Variants in MFSD11 observed in about 807,000 individuals in gnomAD.
The protein encoded by MFSD11 is UNC93-like protein MFSD11.
In MFSD11, 36 loss-of-function variants were observed where a neutral mutation model predicts 53.5. That is an observed-to-expected ratio of 0.67 (90% CI 0.52 to 0.89). The LOEUF (loss-of-function observed/expected upper bound fraction) is 0.89, where lower values mean the gene tolerates loss of function less well. Ranked by LOEUF, MFSD11 falls within the 40% of genes least tolerant of loss-of-function variation. The probability of loss-of-function intolerance (pLI) is 0.00; values close to 1 mark genes in which losing one functional copy is unlikely to be tolerated. For missense variants in MFSD11, 530 were observed against 543.9 expected, an observed-to-expected ratio of 0.97 and a Z score of 0.25; for synonymous variants, 186 against 184.9, an observed-to-expected ratio of 1.01 and a Z score of -0.05.
the MFSD11 span, among the ~76,000 whole-genome samples, chr17:76,792,598 C>T: frequency 3.3e-5 from 5 of 151,262 alleles, no homozygotes; most frequent in Non-Finnish European, 7.4e-5. Flanking sequence ...AGATAAGGAC[C>T]CGCCTAAATT....
In MFSD11 at chr17:76,776,597, G is replaced by A; in HGVS notation, c.1185+56G>A. On this transcript the variant is annotated intron_variant, in intron 12 of 12. Coordinates refer to ENST00000685175, the MANE Select transcript of MFSD11 (RefSeq NM_001242532.5). This position sits in a 1 kb window ranked among gnomAD's most constrained non-coding sequence, Gnocchi z 4.2. ...CATAGGGCTCTTCCCTTTGTGTATT[G>A]CCTTGTTTTCCTTGGTTACTTGTAT... The A allele has an allele frequency of 6.7e-7, 1 of 1,503,150 alleles. No individual in the cohort carries two copies. The highest frequency in any genetic ancestry group is 1.3e-5 in the South Asian group (1 of 76,042). The allele number at this position is 1,503,150 out of a possible 1,614,324, so 93.1% of individuals were successfully genotyped here. A position where few individuals can be genotyped will look rare whatever the true frequency, so the allele number is the denominator to read the frequency against.
chr17:76,745,540 C>G (rs1223588348), intron 7 of MFSD11: 1 of 152,210 alleles, frequency 6.6e-6, no homozygotes, highest in Non-Finnish European at 1.5e-5. Context: ...ACATTTCATT[C>G]TTATGACATC....
In MFSD11 at chr17:76,757,763, T is replaced by C. The variant is rs542884793; in HGVS notation, c.682+3676T>C. On this transcript the variant is annotated intron_variant, in intron 8 of 12. Transcript: ENST00000685175. ...CGGTGGCTCATGCCTGTAATCCCAG[T>C]ACTTTGGGAGGTCAAGGCAGGTGGA... Among the ~76,000 whole-genome samples, 127 of 152,196 alleles carry C rather than the reference T, an allele frequency of 8.3e-4. No homozygotes were observed. In the South Asian group the frequency reaches 0.013, roughly 16 times the overall value.
chr17:76,774,921 T>C, intron 10 of MFSD11, 76 bp from the exon 11 acceptor site: 1 of 1,441,002 alleles, frequency 6.9e-7, no homozygotes. Context: ...ATTCCTTGGC[T>C]CCTTGGTGGT....
chr17:76,797,266 A>G, the MFSD11 span, among the ~76,000 whole-genome samples: 1 of 152,176 alleles, frequency 6.6e-6, no homozygotes, highest in Non-Finnish European at 1.5e-5. Flanking sequence ...GGTTTATTTT[A>G]AGGTTGTTTT....
chr17:76,742,405 T>C, intron 5 of MFSD11, 132 bp downstream of exon 5: 1 of 721,110 alleles, frequency 1.4e-6, no homozygotes, highest in Non-Finnish European at 2.3e-6. Flanking sequence ...TGTGACGTGA[T>C]TCCAATTTTA....
At chr17:76,744,238 C>A in intron 6 of MFSD11, 84 bp from the exon 7 acceptor site, 1 of 1,307,840 alleles carries the variant, frequency 7.6e-7, no homozygotes, top group Non-Finnish European at 1.0e-6. Flanking sequence ...AGTGTGTTGA[C>A]AGTTGTAAGC....
chr17:76,751,166 G>A (rs532963529), intron 7 of MFSD11, among the ~76,000 whole-genome samples: 38 of 151,642 alleles, frequency 2.5e-4, no homozygotes, highest in Admixed American at 1.2e-3. Flanking sequence ...CGAGGCGGGC[G>A]GGTCACGAGG....
intron 8 of MFSD11, among the ~76,000 whole-genome samples, chr17:76,757,787 G>A (rs996921979): frequency 5.3e-5 from 8 of 152,224 alleles, no homozygotes; most frequent in African/African-American, 1.9e-4. Flanking sequence ...AAGGCAGGTG[G>A]ATCACGAGGT....
chr17:76,803,555 G>A, the MFSD11 span, among the ~76,000 whole-genome samples: 2 of 142,372 alleles, frequency 1.4e-5, no homozygotes, highest in African/African-American at 2.5e-5. Flanking sequence ...CCCTGCACTC[G>A]ATGGATCATC....
intron 7 of MFSD11, among the ~76,000 whole-genome samples, chr17:76,745,669 G>A (rs2078470722): frequency 6.6e-6 from 1 of 152,142 alleles, no homozygotes; most frequent in Non-Finnish European, 1.5e-5. Flanking sequence ...TGTTCTGACT[G>A]TTCCACTGCA....
intron 7 of MFSD11, among the ~76,000 whole-genome samples, chr17:76,746,463 CCAAA>C (rs1237819761): frequency 6.6e-6 from 1 of 152,130 alleles, no homozygotes; most frequent in Non-Finnish European, 1.5e-5. Context: ...TCAATGTAGA[CCAAA>C]CAGTCTTACA....
chr17:76,747,723 C>T (rs761814902), intron 7 of MFSD11, among the ~76,000 whole-genome samples: 2 of 152,164 alleles, frequency 1.3e-5, no homozygotes, highest in African/African-American at 2.4e-5. Context: ...CTGACCCCCC[C>T]ATTCAGCCAG....
chr17:76,753,968 G>A (rs928152145), intron 7 of MFSD11, 79 bp from the exon 8 acceptor site: 10 of 1,246,184 alleles, frequency 8.0e-6, no homozygotes, highest in South Asian at 5.3e-5. Flanking sequence ...TTTTACGAAC[G>A]TAAATGAAAA....
upstream of MFSD11, chr17:76,737,434 T>C (rs2077575721): frequency 5.2e-6 from 2 of 381,122 alleles, no homozygotes; most frequent in Non-Finnish European, 9.5e-6. Flanking sequence ...GCGCCCCGCT[T>C]CGTAACGACC....
At chr17:76,773,616 A>AT (rs934331198) in intron 10 of MFSD11, among the ~76,000 whole-genome samples, 14 of 149,606 alleles carry the variant, frequency 9.4e-5, no homozygotes, top group African/African-American at 2.2e-4. Context: ...CACTTTTTAA[A>AT]TTTTTTTTTT....
intron 7 of MFSD11, among the ~76,000 whole-genome samples, chr17:76,749,110 T>C (rs1251483367): frequency 6.6e-6 from 1 of 152,214 alleles, no homozygotes; most frequent in Non-Finnish European, 1.5e-5. Flanking sequence ...ATCTAAAGTA[T>C]ACACTTCAGT....
chr17:76,740,067 G>C (rs200542999), intron 2 of MFSD11, among the ~76,000 whole-genome samples: 14 of 151,108 alleles, frequency 9.3e-5, no homozygotes, highest in Non-Finnish European at 1.9e-4. Context: ...CCAGCTACTC[G>C]GGAGGCTGAG....
the MFSD11 span, among the ~76,000 whole-genome samples, chr17:76,801,533 G>A: frequency 1.4e-5 from 2 of 145,592 alleles, no homozygotes; most frequent in African/African-American, 5.1e-5. Flanking sequence ...TGCAACTTCC[G>A]CCTCCCAGGT....
Sources: gnomAD v4.1 joint callset for allele counts (sites outside exome capture counted in the v4.1 genomes callset) on GRCh38, gnomAD v4.1.1 for gene constraint, Gnocchi (gnomAD v3.1) non-coding constraint, MANE v1.5 for transcripts, NCBI Gene and HGNC (gene_info 2026-07-23, HGNC 2026-07-21) for gene names.